GPHN: variants seen among roughly 807,000 people sequenced by gnomAD.
The protein encoded by GPHN is gephyrin.
Under a neutral mutation model 95.5 loss-of-function variants are expected in GPHN, and 17 were observed. The observed-to-expected ratio is 0.18, with a 90% CI of 0.12 to 0.27. GPHN has a LOEUF of 0.27. Among genes scored for constraint, GPHN ranks in the 10% least tolerant of loss-of-function variants. The probability of loss-of-function intolerance (pLI) is 1.00; values close to 1 mark genes in which losing one functional copy is unlikely to be tolerated. For synonymous variants in GPHN, 320 were observed against 322.5 expected (o/e 0.99, Z 0.08); for missense variants, 660 against 978.1 (o/e 0.67, Z 4.34).
chr14:66,746,877 A>C (rs1305261715), intron 2 of GPHN, among the ~76,000 whole-genome samples: 2 of 151,438 alleles, frequency 1.3e-5, no homozygotes, highest in Non-Finnish European at 2.9e-5. Context: ...CAGAGTTTTG[A>C]CTCCTGCAGT....
At chr14:67,698,193 TC>T in the GPHN span, among the ~76,000 whole-genome samples, 1 of 152,226 alleles carries the variant, frequency 6.6e-6, no homozygotes, top group Non-Finnish European at 1.5e-5. Context: ...TGGAAATTTC[TC>T]CCCATACTTG....
the GPHN span, among the ~76,000 whole-genome samples, chr14:67,283,647 A>G: frequency 1.3e-5 from 2 of 152,200 alleles, no homozygotes; most frequent in Non-Finnish European, 2.9e-5. Flanking sequence ...TGTTGTCACT[A>G]GATTTAATGT....
In GPHN at chr14:67,158,903, T is replaced by C. The variant is rs566884378; in HGVS notation, c.1837-512T>C. On this transcript the variant is annotated intron_variant, in intron 18 of 22. Transcript: ENST00000478722. ...CAAATCTAAGTAATCTGTGGGCATA[T>C]GTTCAAGTCTCTCTTCAAGGAATGT... is the stretch of plus-strand genomic sequence containing the variant. 5.3e-5 allele frequency among the ~76,000 whole-genome samples: 8 copies of C among 152,346 alleles called. No individual in the cohort carries two copies. In the South Asian group the frequency reaches 1.7e-3, roughly 32 times the overall value.
chr14:67,064,926 G>A lies in GPHN; in HGVS notation c.1144+6140G>A, dbSNP rs374289882. Among the ~76,000 whole-genome samples, 131 of 152,092 alleles carry A rather than the reference G, an allele frequency of 8.6e-4. 4 individuals are homozygous for A. The South Asian group carries it at 0.027, about 31-fold the overall frequency. ...TTTTTGAAGGGTTTTTCGTGTCTCT[G>A]TCTCCTTCAGTTCTGCTCTGATCTT... On this transcript the variant is annotated intron_variant, in intron 11 of 22. Transcript: ENST00000478722.
At chr14:67,218,915 G>C in the GPHN span, among the ~76,000 whole-genome samples, 1 of 152,012 alleles carries the variant, frequency 6.6e-6, no homozygotes, top group African/African-American at 2.4e-5. Context: ...TAAAGCCAAA[G>C]CCACAGCAGA....
intron 11 of GPHN, among the ~76,000 whole-genome samples, chr14:67,074,075 G>C (rs1196943079): frequency 6.6e-6 from 1 of 152,100 alleles, no homozygotes; most frequent in Non-Finnish European, 1.5e-5. Context: ...GAATAGACTT[G>C]AGGGCATCCA....
intron 2 of GPHN, among the ~76,000 whole-genome samples, chr14:66,757,151 A>G (rs1294280455): frequency 6.6e-6 from 1 of 152,198 alleles, no homozygotes; most frequent in Admixed American, 6.5e-5. Flanking sequence ...CAGGAAAACC[A>G]TGGAGTTATG....
chr14:66,612,965 A>T (rs1174264808), intron 1 of GPHN, among the ~76,000 whole-genome samples: 1 of 151,832 alleles, frequency 6.6e-6, no homozygotes, highest in East Asian at 1.9e-4. Context: ...CTTTTTGATT[A>T]TTTTCAGTTT....
intron 1 of GPHN, among the ~76,000 whole-genome samples, chr14:66,676,720 T>C (rs1179340551): frequency 6.6e-6 from 1 of 151,208 alleles, no homozygotes; most frequent in Non-Finnish European, 1.5e-5. Context: ...TCCTAGTATT[T>C]TGTTCAGGAT....
the GPHN span, among the ~76,000 whole-genome samples, chr14:67,330,151 A>G: frequency 3.8e-4 from 39 of 101,972 alleles, no homozygotes; most frequent in East Asian, 0.021. Context: ...TAATAATAAT[A>G]ATAATTATTA....
chr14:66,887,490 G>A (rs61989628), intron 5 of GPHN, among the ~76,000 whole-genome samples: 26,774 of 152,054 alleles, frequency 0.18, 2,730 homozygotes, highest in Non-Finnish European at 0.23. Flanking sequence ...CAGGAGAATC[G>A]CTTGAACCTA....
chr14:67,216,018 G>T, the GPHN span, among the ~76,000 whole-genome samples: 1 of 152,090 alleles, frequency 6.6e-6, no homozygotes, highest in Admixed American at 6.6e-5. Flanking sequence ...TGCAGTTTTA[G>T]ATTTACAAAA....
At chr14:66,783,527 A>C (rs1279501794) in intron 3 of GPHN, among the ~76,000 whole-genome samples, 2 of 152,228 alleles carry the variant, frequency 1.3e-5, no homozygotes, top group Admixed American at 1.3e-4. Flanking sequence ...AAGTAGAGCT[A>C]GTTACCACTA....
the GPHN span, among the ~76,000 whole-genome samples, chr14:67,480,676 C>T: frequency 1.3e-5 from 2 of 152,206 alleles, no homozygotes; most frequent in Non-Finnish European, 2.9e-5. Context: ...CCCCCTGGCT[C>T]TTCCAACCCC....
the GPHN span, chr14:67,390,575 T>C: frequency 1.1e-6 from 1 of 926,992 alleles, no homozygotes; most frequent in Non-Finnish European, 1.8e-6. Context: ...GAAGGCAGGA[T>C]ATCCAGCCAG....
At chr14:66,757,968 TTCCCCCACCCAAAGGTGGGAAAA>T (rs2058623054) in intron 2 of GPHN, among the ~76,000 whole-genome samples, 1 of 152,084 alleles carries the variant, frequency 6.6e-6, no homozygotes, top group Non-Finnish European at 1.5e-5. Context: ...GGAGGGGTGT[TTCCCCCACCCAAAGGTGGGAAAA>T]TTCCCCGTGT....
intron 4 of GPHN, among the ~76,000 whole-genome samples, chr14:66,861,356 A>G (rs1265904502): frequency 6.6e-6 from 1 of 152,164 alleles, no homozygotes; most frequent in African/African-American, 2.4e-5. Flanking sequence ...AGAAAATATT[A>G]TTAGAGCTAA....
At chr14:67,274,571 A>G in the GPHN span, among the ~76,000 whole-genome samples, 2 of 152,006 alleles carry the variant, frequency 1.3e-5, no homozygotes, top group East Asian at 3.9e-4. Context: ...CTTCAGCTTT[A>G]TTCTTTTGGC....
chr14:66,835,342 G>A (rs1371699464), intron 4 of GPHN, among the ~76,000 whole-genome samples: 3 of 151,616 alleles, frequency 2.0e-5, no homozygotes, highest in Admixed American at 2.0e-4. Flanking sequence ...TTTTAATTGT[G>A]ATGTGAGGGT....
Sources: allele counts gnomAD v4.1 joint callset (sites outside exome capture counted in the v4.1 genomes callset), GRCh38; gene constraint gnomAD v4.1.1; transcripts MANE v1.5; gene names NCBI Gene and HGNC (gene_info 2026-07-23, HGNC 2026-07-21).